The following ADAMTSL1 variants were observed in gnomAD, a reference collection of about 807,000 sequenced individuals.
The protein encoded by ADAMTSL1 is ADAMTS like 1, also known as ADAMTS-like protein 1.
ADAMTSL1 carries 126 observed loss-of-function variants against 201.8 expected under a neutral mutation model. The observed-to-expected ratio is 0.62, with a 90% CI of 0.54 to 0.72. The LOEUF (loss-of-function observed/expected upper bound fraction) is 0.72, where lower values mean the gene tolerates loss of function less well. ADAMTSL1 is among the 30% of genes least tolerant of loss of function. The pLI is 0.00. For synonymous variants in ADAMTSL1, 1,121 were observed against 903.4 expected, an observed-to-expected ratio of 1.24 and a Z score of -4.32; for missense variants, 2,679 against 2,277.8, an observed-to-expected ratio of 1.18 and a Z score of -3.59.
chr9:18,711,885 TGC>T (rs1284728707), intron 14 of ADAMTSL1, among the ~76,000 whole-genome samples: 4 of 147,022 alleles, frequency 2.7e-5, no homozygotes, highest in Admixed American at 1.4e-4. Context: ...TCTCCCAGCA[TGC>T]AGCTGGAGAT....
chr9:18,522,262 C>G (rs1818743268), intron 2 of ADAMTSL1, among the ~76,000 whole-genome samples: 1 of 152,064 alleles, frequency 6.6e-6, no homozygotes, highest in African/African-American at 2.4e-5. Context: ...ACCCGTGTAA[C>G]AAACCTGCAC....
intron 1 of ADAMTSL1, among the ~76,000 whole-genome samples, chr9:18,145,716 C>A (rs1214814235): frequency 6.6e-6 from 1 of 151,978 alleles, no homozygotes; most frequent in Non-Finnish European, 1.5e-5. Flanking sequence ...TAATATAATA[C>A]CAAAAGCATG....
intron 2 of ADAMTSL1, among the ~76,000 whole-genome samples, chr9:18,235,246 C>T (rs148110889): frequency 2.0e-5 from 3 of 152,052 alleles, no homozygotes; most frequent in Non-Finnish European, 4.4e-5. Flanking sequence ...GGTATTTTCT[C>T]GAATGTCTGA....
intron 1 of ADAMTSL1, among the ~76,000 whole-genome samples, chr9:17,970,386 C>A (rs1818157780): frequency 6.6e-6 from 1 of 152,028 alleles, no homozygotes; most frequent in African/African-American, 2.4e-5. Context: ...TATGCCATTT[C>A]TGTGTCTAAA....
intron 1 of ADAMTSL1, among the ~76,000 whole-genome samples, chr9:17,990,793 C>G (rs1388889862): frequency 6.6e-6 from 1 of 152,078 alleles, no homozygotes; most frequent in East Asian, 1.9e-4. Context: ...TACCCAGTGA[C>G]TGATGATTGA....
chr9:18,905,513 G>T, intron 26 of ADAMTSL1: 1 of 462,118 alleles, frequency 2.2e-6, no homozygotes, highest in Non-Finnish European at 4.0e-6. Context: ...TGATTAATCT[G>T]AGAGGAGCTT....
rs372710862 is a variant in ADAMTSL1, at chr9:18,109,964, AGAG to A, written c.88-53894_88-53892del. ...TGTGTGCAAATTACCTTGGGATACG[AGAG>A]GAGTAGAGAGTGATCCAGAAAGAGA... On this transcript the variant is annotated intron_variant, in intron 1 of 29. Coordinates refer to the ADAMTSL1 transcript ENST00000680146. 3.8e-3 allele frequency among the ~76,000 whole-genome samples: 585 copies of A among 152,302 alleles called. 4 individuals are homozygous for A. The highest frequency in any genetic ancestry group is 0.014 in the African/African-American group (564 of 41,572).
intron 1 of ADAMTSL1, among the ~76,000 whole-genome samples, chr9:17,929,205 C>T (rs1341709703): frequency 6.6e-6 from 1 of 152,108 alleles, no homozygotes; most frequent in South Asian, 2.1e-4. Context: ...TGTACCATGG[C>T]ACTTCCCTGC....
chr9:18,132,472 T>A (rs1825992884), intron 1 of ADAMTSL1, among the ~76,000 whole-genome samples: 1 of 152,138 alleles, frequency 6.6e-6, no homozygotes, highest in African/African-American at 2.4e-5. Context: ...TTGTTAAATA[T>A]CAGAATATCA....
At chr9:18,120,053 G>A (rs1341277673) in intron 1 of ADAMTSL1, among the ~76,000 whole-genome samples, 1 of 152,150 alleles carries the variant, frequency 6.6e-6, no homozygotes, top group Non-Finnish European at 1.5e-5. Context: ...TTCATGATTT[G>A]TGAGATTCAC....
rs142734162 is a variant in ADAMTSL1, at chr9:18,521,302, G to T, written c.192-11945G>T. ...AAAGTACATTTTTAAAGTACTAAAA[G>T]AGTGTAATTAACTTGTTTGTAACAC... On this transcript the variant is annotated intron_variant, in intron 2 of 28. Transcript: ENST00000380548. Among the ~76,000 whole-genome samples, 17 of 152,128 alleles carry T rather than the reference G, an allele frequency of 1.1e-4. No homozygotes were observed. The East Asian group carries it at 3.1e-3, about 28-fold the overall frequency.
At chr9:18,159,850 T>C (rs1210830196) in intron 1 of ADAMTSL1, among the ~76,000 whole-genome samples, 1 of 152,046 alleles carries the variant, frequency 6.6e-6, no homozygotes, top group Non-Finnish European at 1.5e-5. Context: ...CAGACATAGT[T>C]TGAGTTTCTG....
At chr9:18,206,758 G>T (rs1267777011) in intron 2 of ADAMTSL1, among the ~76,000 whole-genome samples, 1 of 152,086 alleles carries the variant, frequency 6.6e-6, no homozygotes, top group Non-Finnish European at 1.5e-5. Flanking sequence ...TTGCGTTCCT[G>T]ACTTTTTCTT....
intron 1 of ADAMTSL1, among the ~76,000 whole-genome samples, chr9:18,498,353 T>G (rs2487476): frequency 7.3e-5 from 11 of 150,262 alleles, no homozygotes; most frequent in Non-Finnish European, 1.5e-4. Flanking sequence ...TTTTTTTTTT[T>G]GAGATGGGAT....
rs546350847 is a variant in ADAMTSL1 at position 18,729,245 on chromosome 9, T to C, written c.2006+7580T>C. Among the ~76,000 whole-genome samples the C allele has an allele frequency of 2.0e-5, 3 of 152,342 alleles. 1 individual carries two copies. The highest frequency in any genetic ancestry group is 7.2e-5 in the African/African-American group (3 of 41,576). ...TCCCTGGCGGCCTTTCCAGCTCTAATATTCTGTGATTCTTTGAAGGTAATG... is the reference window on the plus strand; with the variant it reads ...TCCCTGGCGGCCTTTCCAGCTCTAACATTCTGTGATTCTTTGAAGGTAATG... On this transcript the variant is annotated intron_variant, in intron 15 of 28. Transcript: ENST00000380548.
intron 2 of ADAMTSL1, among the ~76,000 whole-genome samples, chr9:18,405,298 CT>C (rs1230868088): frequency 6.6e-6 from 1 of 152,192 alleles, no homozygotes; most frequent in African/African-American, 2.4e-5. Flanking sequence ...CTCAGCACAG[CT>C]GCTGTGTTGT....
At chr9:18,112,996 T>C (rs2131887878) in intron 1 of ADAMTSL1, among the ~76,000 whole-genome samples, 1 of 152,288 alleles carries the variant, frequency 6.6e-6, no homozygotes, top group Admixed American at 6.5e-5. Context: ...GGTGTTCTAA[T>C]GTCTAGTCCA....
At chr9:17,908,671 T>A (rs1376531558) in intron 1 of ADAMTSL1, among the ~76,000 whole-genome samples, 1 of 152,190 alleles carries the variant, frequency 6.6e-6, no homozygotes, top group Non-Finnish European at 1.5e-5. Flanking sequence ...CTGGCCAGGC[T>A]AGTCTCAAAC....
intron 2 of ADAMTSL1, among the ~76,000 whole-genome samples, chr9:18,378,617 C>G (rs1257195146): frequency 6.6e-6 from 1 of 152,190 alleles, no homozygotes; most frequent in East Asian, 1.9e-4. Flanking sequence ...CTCTTCAGAA[C>G]AAGCCTTTCT....
Sources: allele counts gnomAD v4.1 joint callset (sites outside exome capture counted in the v4.1 genomes callset), GRCh38; gene constraint gnomAD v4.1.1; transcripts MANE v1.5; gene names NCBI Gene and HGNC (gene_info 2026-07-23, HGNC 2026-07-21).